The following FLT1 variants were observed in gnomAD, a reference collection of about 807,000 sequenced individuals.
FLT1 encodes vascular endothelial growth factor receptor 1.
In FLT1, 49 loss-of-function variants were observed where a neutral mutation model predicts 156.3. That is an observed-to-expected ratio of 0.31 (90% confidence interval 0.25 to 0.40). The LOEUF is 0.40. Ranked by LOEUF, FLT1 falls within the 10% of genes least tolerant of loss-of-function variation. The pLI, the probability that FLT1 is intolerant of heterozygous loss-of-function variation, is 1.00. For missense variants in FLT1, 1,322 were observed against 1,637.2 expected (o/e 0.81, Z 3.32); for synonymous variants, 594 against 583.8 (o/e 1.02, Z -0.25).
At chr13:28,347,971 C>T (rs796478551) in intron 15 of FLT1, among the ~76,000 whole-genome samples, 5 of 152,268 alleles carry the variant, frequency 3.3e-5, no homozygotes, top group African/African-American at 1.2e-4. Context: ...ATGCCACTTC[C>T]TCCTCTCTGA....
At position 28,315,068 on chromosome 13, in the gene FLT1, G is replaced by A. The variant is rs548288885; in HGVS notation, c.3386+2430C>T. 4.6e-5 allele frequency among the ~76,000 whole-genome samples: 7 copies of A among 152,248 alleles called. No individual in the cohort carries two copies. The South Asian group carries it at 1.5e-3, about 32-fold the overall frequency. ...TGGACTCTGGACTCAAGCTGAATTC[G>A]CTTATTACCAACGCAGGCTTGAGCA... is the stretch of plus-strand genomic sequence containing the variant. On this transcript the variant is annotated intron_variant, in intron 25 of 29. Transcript: ENST00000282397.
intron 10 of FLT1, among the ~76,000 whole-genome samples, chr13:28,422,431 T>C (rs9508033): frequency 0.74 from 113,275 of 152,158 alleles, 42,295 homozygotes; most frequent in Non-Finnish European, 0.75. Flanking sequence ...GGAGAGAGAA[T>C]TAAACTGGAC....
At chr13:28,411,281 G>A (rs1277272428) in intron 10 of FLT1, among the ~76,000 whole-genome samples, 2 of 151,670 alleles carry the variant, frequency 1.3e-5, no homozygotes, top group Non-Finnish European at 2.9e-5. Context: ...GCCAGGCGCT[G>A]TGACTCACAC....
intron 3 of FLT1, among the ~76,000 whole-genome samples, chr13:28,452,304 T>A (rs1250980340): frequency 6.6e-6 from 1 of 152,212 alleles, no homozygotes; most frequent in East Asian, 1.9e-4. Flanking sequence ...TTACGAAGTA[T>A]GCAGCCTTAA....
chr13:28,427,942 A>G (rs2137540795), intron 8 of FLT1, 21 bp from the exon 9 acceptor site: 1 of 1,610,240 alleles, frequency 6.2e-7, no homozygotes. Flanking sequence ...AAACATGATC[A>G]GTAAGTCATT....
rs1160283304 is a variant in FLT1, at chr13:28,427,200, C to T, written c.1395G>A (p.Lys465=). 2 of 1,614,086 alleles carry T rather than the reference C, an allele frequency of 1.2e-6. No homozygotes were observed. The highest frequency in any genetic ancestry group is 2.2e-5 in the East Asian group (1 of 44,878). The change falls in exon 10 of 30, where the codon AAG becomes AAA. Residue 465 remains lysine, a synonymous_variant. Transcript: ENST00000282397. ...TATGGTTACAGGGGTGCCAGAACCA[C>T]TTGATTGTAGGTTGAGGGATACCAT... ...TAYGIPQPTI[K]WFWHPCNHNH...
At chr13:28,466,005 A>G (rs1387843711) in intron 3 of FLT1, among the ~76,000 whole-genome samples, 2 of 152,058 alleles carry the variant, frequency 1.3e-5, no homozygotes, top group Non-Finnish European at 2.9e-5. Flanking sequence ...TTTTTTTTAA[A>G]CCTGATTCTG....
At chr13:28,394,088 TTACTC>T (rs1874896997) in intron 12 of FLT1, among the ~76,000 whole-genome samples, 2 of 152,254 alleles carry the variant, frequency 1.3e-5, no homozygotes, top group Non-Finnish European at 2.9e-5. Flanking sequence ...TCATGAGTCT[TTACTC>T]TCATCTCTAG....
chr13:28,404,480 T>C (rs543511808), intron 11 of FLT1, among the ~76,000 whole-genome samples: 2 of 152,372 alleles, frequency 1.3e-5, no homozygotes, highest in South Asian at 2.1e-4. Context: ...CATTAGCATA[T>C]GTCAAAAAGT....
intron 12 of FLT1, among the ~76,000 whole-genome samples, chr13:28,390,896 C>T (rs755976367): frequency 6.6e-6 from 1 of 152,144 alleles, no homozygotes; most frequent in African/African-American, 2.4e-5. Context: ...CACTTTAGTC[C>T]TAGACTTTTG....
rs184561400 is a variant in FLT1 at position 28,327,164 on chromosome 13, A to G, written c.2796+298T>C. ...TTTGCGTGTATGTACACATGCACACATATATAGGGGGAGAAAGAGAGAAAG... is the reference window on the plus strand; with the variant it reads ...TTTGCGTGTATGTACACATGCACACGTATATAGGGGGAGAAAGAGAGAAAG... On this transcript the variant is annotated intron_variant, in intron 20 of 29. Coordinates refer to ENST00000282397, the MANE Select transcript of FLT1 (RefSeq NM_002019.4). Among the ~76,000 whole-genome samples, 432 of 152,354 alleles carry G rather than the reference A, an allele frequency of 2.8e-3. 2 individuals are homozygous for G. Among genetic ancestry groups the G allele is most frequent in the Non-Finnish European group, 4.8e-3 (324 of 68,034 alleles).
At chr13:28,479,660 T>C (rs779240845) in intron 1 of FLT1, among the ~76,000 whole-genome samples, 4 of 152,234 alleles carry the variant, frequency 2.6e-5, no homozygotes, top group Non-Finnish European at 5.9e-5. Flanking sequence ...CGAATGTTTT[T>C]CACTCATTTC....
intron 14 of FLT1, chr13:28,368,328 T>G: frequency 1.5e-6 from 1 of 657,602 alleles, no homozygotes; most frequent in Non-Finnish European, 2.3e-6. Flanking sequence ...AATTTTGTAT[T>G]TTTAATAGAG....
chr13:28,436,012 C>T (rs138869578), intron 4 of FLT1, among the ~76,000 whole-genome samples: 54 of 152,320 alleles, frequency 3.5e-4, no homozygotes, highest in Non-Finnish European at 4.7e-4. Context: ...GAAAGGATTG[C>T]TGACAGACGT....
In FLT1 at chr13:28,308,657, C is replaced by T. The variant is rs114729616; in HGVS notation, c.3720+186G>A. Among the ~76,000 whole-genome samples, 842 of 152,328 alleles carry T rather than the reference C, an allele frequency of 5.5e-3. 6 individuals carry two copies. Among genetic ancestry groups the T allele is most frequent in the African/African-American group, 0.019 (809 of 41,584 alleles). ...GGTCCTGGAGTGAGTGCATGGAACT[C>T]TACTTTCAAATTAGTTCTGCACAGC... is the stretch of plus-strand genomic sequence containing the variant. On this transcript the variant is annotated intron_variant, in intron 28 of 29. Transcript: ENST00000282397.
At chr13:28,407,080 C>A (rs971877306) in intron 10 of FLT1, among the ~76,000 whole-genome samples, 2 of 152,070 alleles carry the variant, frequency 1.3e-5, no homozygotes, top group African/African-American at 4.8e-5. Flanking sequence ...GTTCTGAGTC[C>A]CCGCTGGGCC....
chr13:28,482,164 A>G (rs1396776976), intron 1 of FLT1, among the ~76,000 whole-genome samples: 1 of 152,232 alleles, frequency 6.6e-6, no homozygotes, highest in African/African-American at 2.4e-5. Flanking sequence ...GGGAGAAAAT[A>G]CAGACCTCGC....
chr13:28,428,100 G>A (rs1378722274), intron 8 of FLT1, among the ~76,000 whole-genome samples, 179 bp from the exon 9 acceptor site: 1 of 152,162 alleles, frequency 6.6e-6, no homozygotes, highest in East Asian at 1.9e-4. Context: ...TTTTTAGACT[G>A]GGTAACACTT....
chr13:28,412,394 T>TTCTTTCCTTCTTTCTC (rs1876340340), intron 10 of FLT1, among the ~76,000 whole-genome samples: 1 of 147,980 alleles, frequency 6.8e-6, no homozygotes, highest in Admixed American at 6.9e-5. Flanking sequence ...CTTTCTTTCT[T>TTCTTTCCTTCTTTCTC]TCTTTCTTTC....
Sources: allele counts gnomAD v4.1 joint callset (sites outside exome capture counted in the v4.1 genomes callset), GRCh38; gene constraint gnomAD v4.1.1; transcripts MANE v1.5; gene names NCBI Gene and HGNC (gene_info 2026-07-23, HGNC 2026-07-21).